Variants in GRID1 observed in about 807,000 individuals in gnomAD.
The protein encoded by GRID1 is glutamate ionotropic receptor delta type subunit 1.
Under a neutral mutation model 98.0 loss-of-function variants are expected in GRID1, and 28 were observed. The observed-to-expected ratio is 0.29, with a 90% CI of 0.21 to 0.39. GRID1 has a LOEUF of 0.39. Ranked by LOEUF, GRID1 falls within the 10% of genes least tolerant of loss-of-function variation. The pLI is 1.00. For missense variants in GRID1, 1,111 were observed against 1,340.5 expected (o/e 0.83, Z 2.67); for synonymous variants, 553 against 538.5 (o/e 1.03, Z -0.37).
intron 13 of GRID1, among the ~76,000 whole-genome samples, chr10:85,632,023 A>C (rs1051680605): frequency 6.6e-6 from 1 of 151,804 alleles, no homozygotes; most frequent in Non-Finnish European, 1.5e-5. Flanking sequence ...ACAAGAATGT[A>C]AGCTTGACCA....
At position 85,916,334 on chromosome 10, in the gene GRID1, T is replaced by C. The variant is rs1481326274; in HGVS notation, c.727-95A>G. On this transcript the variant is annotated intron_variant, in intron 4 of 15. Coordinates refer to ENST00000327946, the MANE Select transcript of GRID1 (RefSeq NM_017551.3). This position sits in a 1 kb window ranked among gnomAD's most constrained non-coding sequence, Gnocchi z 4.0. ...AGACAGAGTTTTATAAACATTGTTC[T>C]TGGAGAATATTTTCCTCACAAAACA... The C allele has an allele frequency of 3.1e-6, 3 of 974,384 alleles. No homozygotes were observed. Among genetic ancestry groups the C allele is most frequent in the Non-Finnish European group, 4.9e-6 (3 of 614,772 alleles). 60.4% of individuals were successfully genotyped at this position (974,384 alleles called of 1,614,324 possible). A position where few individuals can be genotyped will look rare whatever the true frequency, so the allele number is the denominator to read the frequency against.
At chr10:86,055,817 C>T (rs534250281) in intron 4 of GRID1, among the ~76,000 whole-genome samples, 2 of 151,018 alleles carry the variant, frequency 1.3e-5, no homozygotes, top group Non-Finnish European at 3.0e-5. Context: ...CTCTCATTCT[C>T]TCTCTCTCTC....
intron 3 of GRID1, among the ~76,000 whole-genome samples, chr10:86,180,041 G>T (rs1845632615): frequency 6.6e-6 from 1 of 152,130 alleles, no homozygotes; most frequent in Admixed American, 6.5e-5. Context: ...ATCAACCTAT[G>T]GCAGAAGCCA....
chr10:86,141,335 G>T (rs1254342575), intron 3 of GRID1, among the ~76,000 whole-genome samples: 3 of 152,218 alleles, frequency 2.0e-5, no homozygotes, highest in Non-Finnish European at 2.9e-5. Context: ...TGAAAGAAAA[G>T]GTGAAGAAGA....
At chr10:86,017,973 A>G (rs547851232) in intron 4 of GRID1, among the ~76,000 whole-genome samples, 3 of 152,250 alleles carry the variant, frequency 2.0e-5, no homozygotes, top group African/African-American at 7.2e-5. Flanking sequence ...CAGCTGCCTC[A>G]CCGCAGATTT....
At position 85,618,140 on chromosome 10, in the gene GRID1, G is replaced by A. The variant is rs549476080; in HGVS notation, c.2360+1727C>T. ...GACCCGGGTTCCTGGACTAATGTCT[G>A]CTGCCTCTTCTCTCCAGTGTGTCAG... On this transcript the variant is annotated intron_variant, in intron 14 of 15. Coordinates refer to ENST00000327946, the MANE Select transcript of GRID1 (RefSeq NM_017551.3). Among the ~76,000 whole-genome samples the A allele has an allele frequency of 2.6e-5, 4 of 152,332 alleles. No individual in the cohort carries two copies. In the East Asian group the frequency reaches 5.8e-4, roughly 22 times the overall value.
At chr10:86,232,776 AT>A (rs563163106) in intron 2 of GRID1, among the ~76,000 whole-genome samples, 40 of 151,610 alleles carry the variant, frequency 2.6e-4, no homozygotes, top group Middle Eastern at 6.8e-3. Context: ...GTCTATAAAT[AT>A]TTTTTTTTAA....
intron 5 of GRID1, among the ~76,000 whole-genome samples, chr10:85,891,844 TAAA>T (rs1391419784): frequency 6.6e-6 from 1 of 151,980 alleles, no homozygotes; most frequent in Non-Finnish European, 1.5e-5. Flanking sequence ...ATCAGGCACA[TAAA>T]GAAGTAAGAA....
At chr10:86,178,147 C>G (rs1405391186) in intron 3 of GRID1, among the ~76,000 whole-genome samples, 2 of 152,234 alleles carry the variant, frequency 1.3e-5, no homozygotes, top group Non-Finnish European at 2.9e-5. Flanking sequence ...CCCCAAGTGA[C>G]AAAATCTTCG....
At chr10:86,202,228 A>G (rs1845963894) in intron 3 of GRID1, among the ~76,000 whole-genome samples, 1 of 152,230 alleles carries the variant, frequency 6.6e-6, no homozygotes, top group African/African-American at 2.4e-5. Flanking sequence ...CCCATGCAAC[A>G]TTAGCCAAGT....
At chr10:86,177,023 A>G (rs1845584666) in intron 3 of GRID1, among the ~76,000 whole-genome samples, 1 of 152,066 alleles carries the variant, frequency 6.6e-6, no homozygotes, top group Non-Finnish European at 1.5e-5. Context: ...AGACAGCCCC[A>G]GGCATGCACG....
At position 86,312,493 on chromosome 10, in the gene GRID1, CA is replaced by C. The variant is rs558237417; in HGVS notation, c.235+51447del. On this transcript the variant is annotated intron_variant, in intron 2 of 15. Transcript: ENST00000327946. ...TCCCATCTGCCTCTGGCAGTGGATT[CA>C]AAAGCCTTGGTTCTGCCTCCCCGAA... 7.3e-3 allele frequency among the ~76,000 whole-genome samples: 1,105 copies of C among 152,348 alleles called. 9 individuals are homozygous for C. Among genetic ancestry groups the C allele is most frequent in the Non-Finnish European group, 8.6e-3 (586 of 68,026 alleles).
At chr10:86,193,983 A>T (rs1043372744) in intron 3 of GRID1, among the ~76,000 whole-genome samples, 1 of 151,996 alleles carries the variant, frequency 6.6e-6, no homozygotes, top group Non-Finnish European at 1.5e-5. Context: ...CTGATTTTGG[A>T]TTTTGTCCCT....
intron 4 of GRID1, among the ~76,000 whole-genome samples, chr10:86,130,866 C>T (rs1477768627): frequency 2.6e-5 from 4 of 152,152 alleles, no homozygotes; most frequent in African/African-American, 9.7e-5. Context: ...CACAGGCACC[C>T]ACCCCTAGTG....
At chr10:86,254,368 A>G (rs1846883689) in intron 2 of GRID1, among the ~76,000 whole-genome samples, 1 of 152,226 alleles carries the variant, frequency 6.6e-6, no homozygotes, top group African/African-American at 2.4e-5. Flanking sequence ...TCCCCAGACC[A>G]GCAGCACCAG....
intron 8 of GRID1, among the ~76,000 whole-genome samples, chr10:85,779,178 C>T (rs1164508553): frequency 6.6e-6 from 1 of 152,194 alleles, no homozygotes; most frequent in African/African-American, 2.4e-5. Flanking sequence ...GAAAATGTAG[C>T]TCGGAAGCCC....
At chr10:85,812,612 T>C (rs1421219081) in intron 8 of GRID1, among the ~76,000 whole-genome samples, 1 of 152,066 alleles carries the variant, frequency 6.6e-6, no homozygotes, top group African/African-American at 2.4e-5. Flanking sequence ...GCCCTTCTGC[T>C]AGTTGGAGCT....
chr10:85,606,492 T>C (rs1443990927), intron 15 of GRID1: 2 of 152,210 alleles, frequency 1.3e-5, no homozygotes, highest in East Asian at 1.9e-4. Flanking sequence ...AGAAAATGTG[T>C]ATAACTGCAG....
chr10:85,613,465 A>G lies in GRID1; in HGVS notation c.2543T>C (p.Val848Ala), dbSNP rs1375530875. The change falls in exon 15 of 16, where the codon GTG becomes GCG. Residue 848 changes from valine to alanine, a missense_variant. Around this residue, in one of 3 missense-constraint regions of GRID1, gnomAD observed 762 missense variants for 869.1 expected, o/e 0.88. Transcript: ENST00000327946. ...GTTCCACCACAACTCCAGGGCAGCCACCAGGCAGGCCAGGAGCAGGCCAAT... is the reference window on the plus strand; with the variant it reads ...GTTCCACCACAACTCCAGGGCAGCCGCCAGGCAGGCCAGGAGCAGGCCAAT... ...LAIGLLLACL[V>A]AALELWWNSN... 3 of 1,613,860 alleles carry G rather than the reference A, an allele frequency of 1.9e-6. No homozygotes were observed. Among genetic ancestry groups the G allele is most frequent in the South Asian group, 1.1e-5 (1 of 91,082 alleles).
Sources: allele counts gnomAD v4.1 joint callset (sites outside exome capture counted in the v4.1 genomes callset), GRCh38; gene constraint gnomAD v4.1.1; regional missense constraint gnomAD v4.1.1; non-coding constraint Gnocchi (gnomAD v3.1); transcripts MANE v1.5; gene names NCBI Gene and HGNC (gene_info 2026-07-23, HGNC 2026-07-21).